ANKRD6: variants seen among roughly 807,000 people sequenced by gnomAD.
ANKRD6 encodes ankyrin repeat domain 6.
A neutral mutation model predicts 82.3 loss-of-function variants in ANKRD6; 56 were observed. That is an observed-to-expected ratio of 0.68 (90% CI 0.55 to 0.85). The LOEUF is 0.85. ANKRD6 is among the 40% of genes least tolerant of loss of function. The pLI, the probability that ANKRD6 is intolerant of heterozygous loss-of-function variation, is 0.00. For missense variants in ANKRD6, 852 were observed against 907.6 expected, an observed-to-expected ratio of 0.94 and a Z score of 0.79; for synonymous variants, 347 against 352.1, an observed-to-expected ratio of 0.99 and a Z score of 0.16.
At chr6:89,501,774 T>C (rs1779293240) in intron 1 of ANKRD6, among the ~76,000 whole-genome samples, 1 of 152,180 alleles carries the variant, frequency 6.6e-6, no homozygotes, top group South Asian at 2.1e-4. Flanking sequence ...GCAGTAACTA[T>C]GATTCTTATT....
intron 2 of ANKRD6, among the ~76,000 whole-genome samples, chr6:89,574,289 A>G (rs1790612997): frequency 6.8e-6 from 1 of 147,636 alleles, no homozygotes. Flanking sequence ...ATGTGCTGGT[A>G]GTACTTCCTT....
chr6:89,582,312 G>A (rs1298354359), intron 2 of ANKRD6, among the ~76,000 whole-genome samples: 2 of 151,978 alleles, frequency 1.3e-5, no homozygotes, highest in Non-Finnish European at 2.9e-5. Flanking sequence ...ACCTTAGCCT[G>A]CCAAAGAGCT....
chr6:89,577,697 G>GTCC (rs1163334049), intron 2 of ANKRD6, among the ~76,000 whole-genome samples: 11 of 152,268 alleles, frequency 7.2e-5, no homozygotes, highest in South Asian at 6.2e-4. Context: ...CACACCTATA[G>GTCC]TCCTAGCTAC....
At chr6:89,517,745 C>A (rs1020043760) in intron 1 of ANKRD6, among the ~76,000 whole-genome samples, 20 of 152,186 alleles carry the variant, frequency 1.3e-4, no homozygotes, top group African/African-American at 4.8e-4. Flanking sequence ...CTGTCTTGTC[C>A]TTATGACAGT....
At chr6:89,554,107 T>C (rs1025785433) in intron 1 of ANKRD6, among the ~76,000 whole-genome samples, 2 of 152,230 alleles carry the variant, frequency 1.3e-5, no homozygotes, top group African/African-American at 4.8e-5. Flanking sequence ...ATCCATTACG[T>C]AGAAGGCATT....
chr6:89,486,230 G>C (rs1047852028), intron 1 of ANKRD6, among the ~76,000 whole-genome samples: 1 of 152,166 alleles, frequency 6.6e-6, no homozygotes, highest in African/African-American at 2.4e-5. Flanking sequence ...GATGGAGCTT[G>C]TGTAGAAACC....
intron 1 of ANKRD6, among the ~76,000 whole-genome samples, chr6:89,459,810 G>C (rs893305327): frequency 2.3e-4 from 35 of 152,200 alleles, no homozygotes; most frequent in African/African-American, 7.9e-4. Context: ...GCTTAGGGTG[G>C]TTTTTATTTA....
chr6:89,542,704 G>T (rs189908747), intron 1 of ANKRD6, among the ~76,000 whole-genome samples: 1 of 152,172 alleles, frequency 6.6e-6, no homozygotes, highest in Non-Finnish European at 1.5e-5. Context: ...AGAGTAGGAC[G>T]TTGTCTTTTA....
chr6:89,443,335 G>A (rs1430714809), intron 1 of ANKRD6, among the ~76,000 whole-genome samples: 1 of 152,184 alleles, frequency 6.6e-6, no homozygotes, highest in Non-Finnish European at 1.5e-5. Flanking sequence ...TGGCTTAAAT[G>A]TAAGAATAAT....
chr6:89,439,337 C>T (rs1174087849), intron 1 of ANKRD6, among the ~76,000 whole-genome samples: 1 of 151,940 alleles, frequency 6.6e-6, no homozygotes, highest in Non-Finnish European at 1.5e-5. Flanking sequence ...AACTTATTCC[C>T]CCTTCAAAAA....
At chr6:89,525,715 A>G (rs1782415952) in intron 1 of ANKRD6, among the ~76,000 whole-genome samples, 1 of 152,224 alleles carries the variant, frequency 6.6e-6, no homozygotes, top group African/African-American at 2.4e-5. Flanking sequence ...AGTCCTGCAC[A>G]TGAACAATGA....
At position 89,488,921 on chromosome 6, in the gene ANKRD6, T is replaced by G. The variant is rs938365818; in HGVS notation, c.-144+55546T>G. Among the ~76,000 whole-genome samples, 30 of 148,314 alleles carry G rather than the reference T, an allele frequency of 2.0e-4. No individual in the cohort carries two copies. The Admixed American group carries it at 2.0e-3, about 10-fold the overall frequency. ...TTCTATTCTATTCTATTCTATTCTA[T>G]TCTAGTTCATTCTTTAAAATGCTGC... On this transcript the variant is annotated intron_variant, in intron 1 of 15. Transcript: ENST00000339746.
chr6:89,457,359 T>C (rs1773612838), intron 1 of ANKRD6, among the ~76,000 whole-genome samples: 1 of 152,176 alleles, frequency 6.6e-6, no homozygotes, highest in South Asian at 2.1e-4. Flanking sequence ...CTACCATAAA[T>C]TGGAGTGGTA....
At chr6:89,608,287 G>A (rs1293336818) in intron 5 of ANKRD6, among the ~76,000 whole-genome samples, 1 of 151,488 alleles carries the variant, frequency 6.6e-6, no homozygotes, top group African/African-American at 2.4e-5. Context: ...TGAATCAGGT[G>A]GGCTAGAATG....
At chr6:89,513,992 C>T (rs1185367388) in intron 1 of ANKRD6, among the ~76,000 whole-genome samples, 2 of 152,272 alleles carry the variant, frequency 1.3e-5, no homozygotes, top group Non-Finnish European at 2.9e-5. Flanking sequence ...CTAAACCTTA[C>T]ATCAAGCTTG....
intron 2 of ANKRD6, among the ~76,000 whole-genome samples, chr6:89,585,890 G>A (rs1401932673): frequency 6.6e-6 from 1 of 152,194 alleles, no homozygotes; most frequent in African/African-American, 2.4e-5. Flanking sequence ...GGGTGACAGA[G>A]CGAGACTCTG....
Position 89,543,083 on chromosome 6 carries a change from A to G in ANKRD6, c.-143-23751A>G, listed in dbSNP as rs528688520. ...TAACATTCAGCCTGCCTGATAGCAGATAGGATTTAGGTTGCCAAATGTGGA... is the reference window on the plus strand; with the variant it reads ...TAACATTCAGCCTGCCTGATAGCAGGTAGGATTTAGGTTGCCAAATGTGGA... On this transcript the variant is annotated intron_variant, in intron 1 of 15. Transcript: ENST00000339746. Among the ~76,000 whole-genome samples the G allele has an allele frequency of 6.6e-5, 10 of 152,320 alleles. No individual in the cohort carries two copies. In the South Asian group the frequency reaches 1.9e-3, roughly 28 times the overall value.
At chr6:89,620,682 C>T (rs932576392) in intron 9 of ANKRD6, among the ~76,000 whole-genome samples, 5 of 152,232 alleles carry the variant, frequency 3.3e-5, no homozygotes, top group African/African-American at 1.2e-4. Flanking sequence ...AAGCACCTGA[C>T]AGTGACTGAC....
intron 2 of ANKRD6, among the ~76,000 whole-genome samples, chr6:89,590,454 C>T (rs1794662421): frequency 6.6e-6 from 1 of 152,102 alleles, no homozygotes; most frequent in African/African-American, 2.4e-5. Flanking sequence ...GGCTTACACA[C>T]CAATACAGAG....
Sources: gnomAD v4.1 joint callset for allele counts (sites outside exome capture counted in the v4.1 genomes callset) on GRCh38, gnomAD v4.1.1 for gene constraint, MANE v1.5 for transcripts, NCBI Gene and HGNC (gene_info 2026-07-23, HGNC 2026-07-21) for gene names.